Variants in CACNA2D1 observed in about 807,000 individuals in gnomAD.
CACNA2D1 encodes calcium voltage-gated channel auxiliary subunit alpha2delta 1.
CACNA2D1 carries 53 observed loss-of-function variants against 171.5 expected under a neutral mutation model. The ratio of observed to expected loss-of-function variants is 0.31; its 90% CI spans 0.25 to 0.39. The LOEUF (loss-of-function observed/expected upper bound fraction) is 0.39. Ranked by LOEUF, CACNA2D1 falls within the 10% of genes least tolerant of loss-of-function variation. CACNA2D1 has a pLI of 1.00. For missense variants in CACNA2D1, 903 were observed against 1,299.8 expected (o/e 0.69, Z 4.69); for synonymous variants, 442 against 443.1 (o/e 1.00, Z 0.03).
intron 3 of CACNA2D1, among the ~76,000 whole-genome samples, chr7:82,220,991 G>T (rs1277332103): frequency 1.3e-5 from 2 of 152,052 alleles, no homozygotes; most frequent in East Asian, 3.9e-4. Context: ...GGCCAGACTG[G>T]TCTCAAACTC....
At chr7:81,989,803 C>T (rs954657762) in intron 21 of CACNA2D1, among the ~76,000 whole-genome samples, 1 of 152,012 alleles carries the variant, frequency 6.6e-6, no homozygotes. Context: ...GTGGTGTGCA[C>T]AAGACAGTGA....
intron 38 of CACNA2D1, among the ~76,000 whole-genome samples, chr7:81,955,876 A>T: frequency 8.5e-6 from 1 of 117,072 alleles, no homozygotes; most frequent in African/African-American, 3.4e-5. Flanking sequence ...GTTCAAGGAA[A>T]GTACCATAAT....
intron 24 of CACNA2D1, among the ~76,000 whole-genome samples, chr7:81,979,082 G>A (rs37085): frequency 0.65 from 98,496 of 151,692 alleles, 32,088 homozygotes; most frequent in African/African-American, 0.68. Context: ...AAATGGTCAC[G>A]TATTGTATTG....
intron 4 of CACNA2D1, among the ~76,000 whole-genome samples, chr7:82,162,539 T>A (rs1431529399): frequency 1.3e-5 from 2 of 152,042 alleles, no homozygotes; most frequent in East Asian, 3.9e-4. Flanking sequence ...ATTTCTTTAA[T>A]ATGTAAACAA....
intron 3 of CACNA2D1, among the ~76,000 whole-genome samples, chr7:82,281,428 T>G (rs1385860910): frequency 6.6e-6 from 1 of 152,208 alleles, no homozygotes; most frequent in African/African-American, 2.4e-5. Context: ...ACAGCCACAA[T>G]GTCCACTACA....
chr7:81,971,947 G>T, intron 25 of CACNA2D1, 83 bp from the exon 26 acceptor site: 1 of 844,994 alleles, frequency 1.2e-6, no homozygotes, highest in Non-Finnish European at 2.0e-6. Flanking sequence ...ATTTCCAAAA[G>T]CAATTTAGAG....
chr7:81,950,665 T>C (rs2060576471), intron 38 of CACNA2D1, among the ~76,000 whole-genome samples, 157 bp from the exon 39 acceptor site: 1 of 152,112 alleles, frequency 6.6e-6, no homozygotes, highest in Non-Finnish European at 1.5e-5. Context: ...AATTACTTTC[T>C]CCTAGATTTT....
intron 24 of CACNA2D1, among the ~76,000 whole-genome samples, chr7:81,978,834 TTATA>T (rs1442228761): frequency 1.4e-5 from 2 of 146,072 alleles, no homozygotes; most frequent in African/African-American, 2.5e-5. Context: ...ATTTATTTAT[TTATA>T]ATCAAGCCCA....
intron 1 of CACNA2D1, among the ~76,000 whole-genome samples, chr7:82,352,211 C>G (rs1819928863): frequency 6.6e-6 from 1 of 152,102 alleles, no homozygotes; most frequent in Non-Finnish European, 1.5e-5. Context: ...GAGGTGTTAA[C>G]TTGGTTTTCT....
chr7:82,109,082 G>GA (rs1320271760), intron 6 of CACNA2D1, among the ~76,000 whole-genome samples: 3 of 151,642 alleles, frequency 2.0e-5, no homozygotes, highest in Non-Finnish European at 1.5e-5. Flanking sequence ...CTCTTTAAAA[G>GA]AAAAAAGGAA....
chr7:82,015,670 G>T (rs895794256), intron 12 of CACNA2D1, among the ~76,000 whole-genome samples: 3 of 152,104 alleles, frequency 2.0e-5, no homozygotes, highest in Non-Finnish European at 2.9e-5. Flanking sequence ...TTTTCCATGA[G>T]TTCAAATTCC....
At chr7:81,981,306 A>G (rs1324754932) in intron 24 of CACNA2D1, among the ~76,000 whole-genome samples, 1 of 152,174 alleles carries the variant, frequency 6.6e-6, no homozygotes, top group Non-Finnish European at 1.5e-5. Context: ...AAAACAGAAT[A>G]GTGTGTCATC....
At position 82,265,201 on chromosome 7, in the gene CACNA2D1, A is replaced by C. The variant is rs576213148; in HGVS notation, c.294+69934T>G. Among the ~76,000 whole-genome samples the C allele has an allele frequency of 1.2e-4, 19 of 152,296 alleles. 1 individual carries two copies. In the South Asian group the frequency reaches 2.3e-3, roughly 18 times the overall value. On this transcript the variant is annotated intron_variant, in intron 3 of 38. Coordinates refer to ENST00000356860, the MANE Select transcript of CACNA2D1 (RefSeq NM_000722.4). ...CTGAATGATCTCTTCCCACCTAAAA[A>C]CATCTTTTAATTGCATCAGGTCTCT...
chr7:82,301,101 T>G (rs1812941893), intron 3 of CACNA2D1, among the ~76,000 whole-genome samples: 1 of 152,176 alleles, frequency 6.6e-6, no homozygotes, highest in Non-Finnish European at 1.5e-5. Flanking sequence ...AAGAAAGGTT[T>G]GCTATCTTTT....
intron 3 of CACNA2D1, among the ~76,000 whole-genome samples, chr7:82,246,773 T>C (rs1418075693): frequency 6.6e-6 from 1 of 152,220 alleles, no homozygotes. Flanking sequence ...TATATTTGGC[T>C]GATGATATAG....
rs1208938432 is a variant in CACNA2D1 at position 82,276,749 on chromosome 7, TTTTTC to T, written c.294+58381_294+58385del. 4.7e-3 allele frequency among the ~76,000 whole-genome samples: 620 copies of T among 133,198 alleles called. 3 individuals are homozygous for T. The highest frequency in any genetic ancestry group is 0.017 in the African/African-American group (586 of 35,256). The allele number at this position is 133,198 out of a possible 152,430, so 87.4% of individuals were successfully genotyped here. A position where few individuals can be genotyped will look rare whatever the true frequency, so the allele number is the denominator to read the frequency against. On this transcript the variant is annotated intron_variant, in intron 3 of 38. Coordinates refer to ENST00000356860, the MANE Select transcript of CACNA2D1 (RefSeq NM_000722.4). ...ATCCATCTCTCCCTTTTTCTTTTTC[TTTTTC>T]TTTTTTTTTTTTTTAGACAGAGTCT...
chr7:82,368,200 C>T (rs1821971657), intron 1 of CACNA2D1, among the ~76,000 whole-genome samples: 2 of 152,164 alleles, frequency 1.3e-5, no homozygotes, highest in Non-Finnish European at 1.5e-5. Flanking sequence ...GGGAATGCTC[C>T]TCGTAGCAAG....
chr7:82,309,688 G>A (rs570233603), intron 3 of CACNA2D1, among the ~76,000 whole-genome samples: 4 of 152,144 alleles, frequency 2.6e-5, no homozygotes, highest in Non-Finnish European at 5.9e-5. Context: ...CTGGAGTCTG[G>A]AGAAGTGGCC....
chr7:82,379,569 G>T lies in CACNA2D1; in HGVS notation c.96-29920C>A, dbSNP rs147544117. 8.1e-4 allele frequency among the ~76,000 whole-genome samples: 123 copies of T among 152,294 alleles called. No individual in the cohort carries two copies. In the East Asian group the frequency reaches 0.01, roughly 12 times the overall value. ...ACATTTAGGAAAACGTGGTCTGTGT[G>T]TCTATACTTGTTGTCCTGGGATGCA... On this transcript the variant is annotated intron_variant, in intron 1 of 38. Coordinates refer to ENST00000356860, the MANE Select transcript of CACNA2D1 (RefSeq NM_000722.4).
Sources: allele counts gnomAD v4.1 joint callset (sites outside exome capture counted in the v4.1 genomes callset), GRCh38; gene constraint gnomAD v4.1.1; transcripts MANE v1.5; gene names NCBI Gene and HGNC (gene_info 2026-07-23, HGNC 2026-07-21).